Variants in WDR7 observed in about 807,000 individuals in gnomAD.
The protein encoded by WDR7 is WD repeat-containing protein 7.
In WDR7, 46 loss-of-function variants were observed where a neutral mutation model predicts 169.4. The observed-to-expected ratio is 0.27, with a 90% confidence interval of 0.21 to 0.35. The LOEUF is 0.35. Ranked by LOEUF, WDR7 falls within the 10% of genes least tolerant of loss-of-function variation. WDR7 has a pLI of 1.00. For synonymous variants in WDR7, 612 were observed against 666.8 expected (o/e 0.92, Z 1.27); for missense variants, 1,534 against 1,859.3 (o/e 0.83, Z 3.22).
intron 20 of WDR7, among the ~76,000 whole-genome samples, chr18:56,839,787 G>A (rs182721825): frequency 2.0e-5 from 3 of 152,310 alleles, no homozygotes; most frequent in Admixed American, 2.0e-4. Flanking sequence ...ACTCAGCCAG[G>A]CGTGGTGGCT....
chr18:56,674,607 C>T (rs530407573), intron 2 of WDR7, among the ~76,000 whole-genome samples: 2 of 152,022 alleles, frequency 1.3e-5, no homozygotes, highest in African/African-American at 2.4e-5. Context: ...TTATTTTCTC[C>T]CATTTTATCA....
chr18:56,729,693 A>G (rs943461917), intron 13 of WDR7, among the ~76,000 whole-genome samples: 10 of 152,172 alleles, frequency 6.6e-5, no homozygotes, highest in African/African-American at 2.4e-4. Context: ...TAAGACATTT[A>G]TAACCCAACC....
intron 19 of WDR7, among the ~76,000 whole-genome samples, chr18:56,815,591 A>G (rs35036602): frequency 0.56 from 84,906 of 151,998 alleles, 25,954 homozygotes; most frequent in East Asian, 0.81. Flanking sequence ...ACTTAGCCCC[A>G]GGGCACAAAT....
intron 22 of WDR7, among the ~76,000 whole-genome samples, chr18:56,932,647 G>A (rs2145677576): frequency 6.6e-6 from 1 of 152,284 alleles, no homozygotes; most frequent in African/African-American, 2.4e-5. Flanking sequence ...AGGGCTAGTT[G>A]TTTTTGTATT....
intron 20 of WDR7, among the ~76,000 whole-genome samples, chr18:56,849,269 A>G (rs558367210): frequency 6.6e-6 from 1 of 152,218 alleles, no homozygotes; most frequent in African/African-American, 2.4e-5. Context: ...TTTGTGACTA[A>G]ATTAGGACTC....
chr18:56,799,034 T>TA (rs2044628726), intron 19 of WDR7, among the ~76,000 whole-genome samples: 1 of 152,192 alleles, frequency 6.6e-6, no homozygotes, highest in Non-Finnish European at 1.5e-5. Flanking sequence ...AATATAATGA[T>TA]AAACAAAGTA....
intron 2 of WDR7, among the ~76,000 whole-genome samples, chr18:56,678,973 C>T (rs2144559322): frequency 6.6e-6 from 1 of 152,332 alleles, no homozygotes; most frequent in African/African-American, 2.4e-5. Flanking sequence ...GGTGGAATGA[C>T]ACAAGCACCC....
intron 20 of WDR7, among the ~76,000 whole-genome samples, chr18:56,833,802 T>C (rs1027498652): frequency 6.6e-5 from 10 of 152,222 alleles, no homozygotes; most frequent in African/African-American, 2.4e-4. Flanking sequence ...ACCACATCAC[T>C]GAACATAAAG....
chr18:56,809,408 A>G (rs1190156637), intron 19 of WDR7, among the ~76,000 whole-genome samples: 1 of 152,116 alleles, frequency 6.6e-6, no homozygotes, highest in Non-Finnish European at 1.5e-5. Flanking sequence ...TCACTGTCAA[A>G]TATTTTGGAA....
chr18:56,745,340 G>A (rs143589155), intron 14 of WDR7, among the ~76,000 whole-genome samples: 13 of 152,180 alleles, frequency 8.5e-5, no homozygotes, highest in Admixed American at 2.0e-4. Flanking sequence ...ATTACTCTAC[G>A]GTTCATAATA....
chr18:56,738,136 C>A (rs994753844), intron 14 of WDR7, among the ~76,000 whole-genome samples: 1 of 152,114 alleles, frequency 6.6e-6, no homozygotes, highest in Non-Finnish European at 1.5e-5. Flanking sequence ...AGGGGAAATA[C>A]ATTTTCTCAG....
At chr18:56,870,026 C>G (rs1314385469) in intron 20 of WDR7, among the ~76,000 whole-genome samples, 1 of 152,190 alleles carries the variant, frequency 6.6e-6, no homozygotes, top group African/African-American at 2.4e-5. Context: ...TGGGTCCTTT[C>G]TCCCAAGCTG....
chr18:57,029,944 G>A (rs535842948), downstream of WDR7: 3 of 152,316 alleles, frequency 2.0e-5, no homozygotes, highest in East Asian at 5.8e-4. Context: ...CCAGAGGACA[G>A]TAGAGCAGAA....
chr18:56,678,555 G>A (rs965533120), intron 2 of WDR7, among the ~76,000 whole-genome samples: 1 of 152,106 alleles, frequency 6.6e-6, no homozygotes, highest in Non-Finnish European at 1.5e-5. Context: ...GGAGTGCAGT[G>A]GAGCGATCTC....
At chr18:56,965,136 A>T (rs2047389779) in intron 26 of WDR7, among the ~76,000 whole-genome samples, 1 of 152,172 alleles carries the variant, frequency 6.6e-6, no homozygotes, top group Non-Finnish European at 1.5e-5. Flanking sequence ...TTTTAGTATG[A>T]ACAAAGACAC....
In WDR7 at chr18:56,884,740, T is replaced by C. The variant is rs149774542; in HGVS notation, c.3526+4575T>C. Among the ~76,000 whole-genome samples the C allele has an allele frequency of 9.5e-3, 1,449 of 152,270 alleles. 24 individuals carry two copies. The highest frequency in any genetic ancestry group is 0.033 in the African/African-American group (1,359 of 41,552). ...TAGCAAAGACAAAGGACATAAACAC[T>C]TGGGAGCTCTAGGGCCCTACCCACC... On this transcript the variant is annotated intron_variant, in intron 21 of 27. Transcript: ENST00000254442.
chr18:56,861,999 G>T (rs1340503892), intron 20 of WDR7, among the ~76,000 whole-genome samples: 1 of 151,776 alleles, frequency 6.6e-6, no homozygotes, highest in Non-Finnish European at 1.5e-5. Flanking sequence ...TGTTTAAGGG[G>T]TAAATGAGAT....
chr18:56,695,245 C>T, intron 11 of WDR7, 47 bp downstream of exon 11: 5 of 1,573,512 alleles, frequency 3.2e-6, no homozygotes, highest in Non-Finnish European at 4.3e-6. Context: ...ACAACTCTTA[C>T]CCAGAGAGTG....
intron 25 of WDR7, among the ~76,000 whole-genome samples, chr18:56,954,373 A>G (rs933285209): frequency 6.6e-6 from 1 of 152,180 alleles, no homozygotes; most frequent in African/African-American, 2.4e-5. Context: ...GTGGCATACC[A>G]TACAGCCATT....
Sources: allele counts gnomAD v4.1 joint callset (sites outside exome capture counted in the v4.1 genomes callset), GRCh38; gene constraint gnomAD v4.1.1; transcripts MANE v1.5; gene names NCBI Gene and HGNC (gene_info 2026-07-23, HGNC 2026-07-21).